Variants in BCAS3 observed in about 807,000 individuals in gnomAD.
BCAS3 encodes BCAS4/BCAS3 fusion.
In BCAS3, 53 loss-of-function variants were observed where a neutral mutation model predicts 116.1. That is an observed-to-expected ratio of 0.46 (90% confidence interval 0.37 to 0.57). The LOEUF (loss-of-function observed/expected upper bound fraction) is 0.57. Among genes scored for constraint, BCAS3 ranks in the 20% least tolerant of loss-of-function variants. The pLI is 0.00. For missense variants in BCAS3, 917 were observed against 1,165.4 expected (o/e 0.79, Z 3.10); for synonymous variants, 391 against 408.2 (o/e 0.96, Z 0.51).
At chr17:60,706,429 A>G (rs2037147470) in intron 4 of BCAS3, among the ~76,000 whole-genome samples, 1 of 151,960 alleles carries the variant, frequency 6.6e-6, no homozygotes, top group African/African-American at 2.4e-5. Context: ...ATATTCGAAG[A>G]ATACAGTATA....
At chr17:60,784,354 A>G (rs2046100599) in intron 6 of BCAS3, among the ~76,000 whole-genome samples, 1 of 137,876 alleles carries the variant, frequency 7.3e-6, no homozygotes, top group East Asian at 2.2e-4. Context: ...CCAGGAGGGC[A>G]GTGACACAAT....
chr17:61,301,804 T>C lies in BCAS3; in HGVS notation c.2426-66523T>C, dbSNP rs141839814. ...TCATGGACCACCTGAATTCTATTCA[T>C]AGATCTCATGGAGGCCTGTGGACCC... On this transcript the variant is annotated intron_variant, in intron 22 of 23. Coordinates refer to ENST00000407086, the MANE Select transcript of BCAS3 (RefSeq NM_017679.5). 2.1e-3 allele frequency among the ~76,000 whole-genome samples: 319 copies of C among 152,294 alleles called. 2 individuals carry two copies. Among genetic ancestry groups the C allele is most frequent in the African/African-American group, 7.3e-3 (303 of 41,570 alleles).
intron 11 of BCAS3, 89 bp from the exon 12 acceptor site, chr17:60,910,441 CAT>C: frequency 9.6e-7 from 1 of 1,045,012 alleles, no homozygotes; most frequent in Non-Finnish European, 1.3e-6. Flanking sequence ...GAATAAATAA[CAT>C]AATGATTAGG....
At chr17:61,129,117 G>A (rs938900730) in intron 22 of BCAS3, among the ~76,000 whole-genome samples, 2 of 152,210 alleles carry the variant, frequency 1.3e-5, no homozygotes, top group Non-Finnish European at 2.9e-5. Flanking sequence ...TTTATGTGTA[G>A]CCTAGGCCAT....
chr17:61,333,676 A>G lies in BCAS3; in HGVS notation c.2426-34651A>G, dbSNP rs1429470941. Among the ~76,000 whole-genome samples the G allele has an allele frequency of 2.0e-5, 3 of 147,356 alleles. No individual in the cohort carries two copies. The highest frequency in any genetic ancestry group is 4.4e-5 in the Non-Finnish European group (3 of 67,438). On this transcript the variant is annotated intron_variant, in intron 22 of 23. Coordinates refer to ENST00000407086, the MANE Select transcript of BCAS3 (RefSeq NM_017679.5). The surrounding 1 kb of genome is among the most constrained non-coding windows in gnomAD (Gnocchi z 4.8). ...CGCTCTGTCGCCTAGGCTGGAGTGC[A>G]GTGGTGCGATCTCGGCTCACTGCAA... is the stretch of plus-strand genomic sequence containing the variant.
At chr17:60,735,835 A>G (rs2040901116) in intron 5 of BCAS3, among the ~76,000 whole-genome samples, 1 of 148,806 alleles carries the variant, frequency 6.7e-6, no homozygotes, top group Non-Finnish European at 1.5e-5. Flanking sequence ...CTTTTTTTTC[A>G]TAAATAGGTG....
At chr17:60,950,392 T>A (rs982224785) in intron 14 of BCAS3, among the ~76,000 whole-genome samples, 20 of 152,184 alleles carry the variant, frequency 1.3e-4, no homozygotes, top group Non-Finnish European at 2.9e-5. Context: ...CTAAATAAAG[T>A]ATAAAGAGAC....
At chr17:60,977,963 C>T (rs1450626144) in intron 14 of BCAS3, among the ~76,000 whole-genome samples, 1 of 143,404 alleles carries the variant, frequency 7.0e-6, no homozygotes, top group East Asian at 1.9e-4. Context: ...AATAAAAATA[C>T]ATGTGCATGT....
chr17:60,756,926 T>C (rs11649895), intron 6 of BCAS3, among the ~76,000 whole-genome samples: 110,283 of 152,024 alleles, frequency 0.73, 45,715 homozygotes, highest in South Asian at 0.98. Context: ...GTGGCTCATG[T>C]CTGTAATCCC....
chr17:61,373,510 A>AC (rs1383006956), intron 23 of BCAS3, among the ~76,000 whole-genome samples: 2 of 150,748 alleles, frequency 1.3e-5, no homozygotes, highest in Non-Finnish European at 2.9e-5. Flanking sequence ...GCTCACTGCA[A>AC]CCTCCACCTC....
rs1361066249 is a variant in BCAS3 at position 61,228,145 on chromosome 17, A to G, written c.2426-140182A>G. On this transcript the variant is annotated intron_variant, in intron 22 of 23. Transcript: ENST00000407086. The surrounding 1 kb of genome is among the most constrained non-coding windows in gnomAD (Gnocchi z 5.0). Reference sequence around the variant, plus strand: ...AGTAGGACCTTCCTCAATTTTCAGCAAGTAGGACTCCTTATTTGAAGGACA... The same window carrying G: ...AGTAGGACCTTCCTCAATTTTCAGCGAGTAGGACTCCTTATTTGAAGGACA... 6.6e-6 allele frequency among the ~76,000 whole-genome samples: 1 copy of G among 152,112 alleles called. No individual in the cohort carries two copies. The highest frequency in any genetic ancestry group is 2.4e-5 in the African/African-American group (1 of 41,434).
At chr17:60,878,894 A>G (rs1956522989) in intron 9 of BCAS3, among the ~76,000 whole-genome samples, 1 of 152,212 alleles carries the variant, frequency 6.6e-6, no homozygotes, top group Non-Finnish European at 1.5e-5. Flanking sequence ...AAAATTTACC[A>G]TGACCAGATT....
At chr17:61,274,228 T>C (rs565936764) in intron 22 of BCAS3, among the ~76,000 whole-genome samples, 27 of 151,662 alleles carry the variant, frequency 1.8e-4, no homozygotes, top group Non-Finnish European at 3.4e-4. Context: ...TTTGTCCTTG[T>C]GATAGTTTGC....
intron 22 of BCAS3, among the ~76,000 whole-genome samples, chr17:61,138,897 G>T (rs2076782648): frequency 6.6e-6 from 1 of 152,018 alleles, no homozygotes; most frequent in African/African-American, 2.4e-5. Flanking sequence ...GTGAAGATAA[G>T]AAAATTATAA....
chr17:60,834,537 T>C (rs887272804), intron 7 of BCAS3, among the ~76,000 whole-genome samples: 2 of 152,068 alleles, frequency 1.3e-5, no homozygotes, highest in Non-Finnish European at 2.9e-5. Flanking sequence ...GTACTCAAAC[T>C]AATCTACATT....
At position 61,012,089 on chromosome 17, in the gene BCAS3, C is replaced by T. The variant is rs1232648246; in HGVS notation, c.1487-3662C>T. Among the ~76,000 whole-genome samples the T allele has an allele frequency of 6.6e-6, 1 of 151,994 alleles. No individual in the cohort carries two copies. Among genetic ancestry groups the T allele is most frequent in the Non-Finnish European group, 1.5e-5 (1 of 67,932 alleles). ...TCCTTTAAAACAATAATAAAAGTGACTCCTTACTTTTTGTTCCTGAGTCAT... is the reference window on the plus strand; with the variant it reads ...TCCTTTAAAACAATAATAAAAGTGATTCCTTACTTTTTGTTCCTGAGTCAT... On this transcript the variant is annotated intron_variant, in intron 15 of 23. Coordinates refer to ENST00000407086, the MANE Select transcript of BCAS3 (RefSeq NM_017679.5). The surrounding 1 kb of genome is among the most constrained non-coding windows in gnomAD (Gnocchi z 4.5).
rs1424260074 is a variant in BCAS3, at chr17:61,200,673, A to G, written c.2425+116109A>G. ...CAGCTGTTTGGCTGGCTCTCTTATT[A>G]TATTAGTATCTTTTTACTATTATCT... On this transcript the variant is annotated intron_variant, in intron 22 of 23. Transcript: ENST00000407086. The surrounding 1 kb of genome is among the most constrained non-coding windows in gnomAD (Gnocchi z 5.1). Among the ~76,000 whole-genome samples, 2 of 152,174 alleles carry G rather than the reference A, an allele frequency of 1.3e-5. No homozygotes were observed. Among genetic ancestry groups the G allele is most frequent in the Non-Finnish European group, 1.5e-5 (1 of 68,032 alleles).
chr17:60,692,754 G>A (rs2035018178), intron 4 of BCAS3, among the ~76,000 whole-genome samples: 1 of 143,388 alleles, frequency 7.0e-6, no homozygotes, highest in South Asian at 2.3e-4. Context: ...AAAATTAGCT[G>A]GAGTGGTGGC....
intron 6 of BCAS3, among the ~76,000 whole-genome samples, chr17:60,782,877 C>T (rs1052694497): frequency 1.3e-5 from 2 of 151,872 alleles, no homozygotes; most frequent in Non-Finnish European, 2.9e-5. Flanking sequence ...CATGAGCCAC[C>T]GCACCCAGCC....
Sources: allele counts gnomAD v4.1 joint callset (sites outside exome capture counted in the v4.1 genomes callset), GRCh38; gene constraint gnomAD v4.1.1; non-coding constraint Gnocchi (gnomAD v3.1); transcripts MANE v1.5; gene names NCBI Gene and HGNC (gene_info 2026-07-23, HGNC 2026-07-21).